IPO5: variants seen among roughly 807,000 people sequenced by gnomAD.
The protein encoded by IPO5 is importin-5.
Under a neutral mutation model 143.3 loss-of-function variants are expected in IPO5, and 18 were observed. That is an observed-to-expected ratio of 0.13 (90% CI 0.09 to 0.19). The LOEUF (loss-of-function observed/expected upper bound fraction) is 0.19, where lower values mean the gene tolerates loss of function less well. Ranked by LOEUF, IPO5 falls within the 10% of genes least tolerant of loss-of-function variation. IPO5 has a pLI of 1.00. For synonymous variants in IPO5, 477 were observed against 465.7 expected (o/e 1.02, Z -0.31); for missense variants, 1,013 against 1,336.9 (o/e 0.76, Z 3.78).
chr13:98,000,481 A>G, intron 12 of IPO5, 58 bp from the exon 13 acceptor site: 2 of 1,043,452 alleles, frequency 1.9e-6, no homozygotes, highest in Non-Finnish European at 3.0e-6. Context: ...TCTGTAGAGT[A>G]TACTATTTCT....
chr13:97,957,438 G>A (rs1884541100), intron 2 of IPO5, among the ~76,000 whole-genome samples: 1 of 151,986 alleles, frequency 6.6e-6, no homozygotes, highest in Admixed American at 6.6e-5. Context: ...CCGACCTCAG[G>A]TGATCCACCT....
intron 11 of IPO5, among the ~76,000 whole-genome samples, chr13:97,995,169 TTC>T (rs1261290663): frequency 6.6e-6 from 1 of 150,690 alleles, no homozygotes; most frequent in East Asian, 1.9e-4. Context: ...CTTTCATTCT[TTC>T]TTTCTTTGTT....
rs528998130 is a variant in IPO5, at chr13:98,000,505, T to A, written c.1002-34T>A. On this transcript the variant is annotated intron_variant, in intron 12 of 28. Coordinates refer to ENST00000651721, the MANE Select transcript of IPO5 (RefSeq NM_002271.6). The stretch of plus-strand genomic sequence containing the variant: ...TATACTATTTCTTTTGTGTTTCAGA[T>A]ATATTGAGTACATAATTCTGTTTAT... 98 of 1,301,110 alleles carry A rather than the reference T, an allele frequency of 7.5e-5. No homozygotes were observed. The South Asian group carries it at 1.1e-3, about 14-fold the overall frequency. 80.6% of individuals were successfully genotyped at this position (1,301,110 alleles called of 1,614,324 possible).
chr13:97,985,535 A>G lies in IPO5; in HGVS notation c.286A>G (p.Ile96Val). 1 of 1,614,078 alleles carries G rather than the reference A, an allele frequency of 6.2e-7. No homozygotes were observed. Among genetic ancestry groups the G allele is most frequent in the Non-Finnish European group, 8.5e-7 (1 of 1,179,954 alleles). The change falls in exon 6 of 29, where the codon ATT (isoleucine) becomes GTT (valine). Residue 96 changes from isoleucine (I) to valine (V), a missense_variant. Coordinates refer to ENST00000651721, the MANE Select transcript of IPO5 (RefSeq NM_002271.6). ...TGCCATCAAGAGTGAGCTACTCATG[A>G]TTATTCAGATGGAAACACAATCTAG... ...QTAIKSELLM[I>V]IQMETQSSMR...
intron 9 of IPO5, among the ~76,000 whole-genome samples, chr13:97,991,200 A>G (rs1250650712): frequency 4.6e-5 from 7 of 152,188 alleles, no homozygotes; most frequent in Non-Finnish European, 8.8e-5. Flanking sequence ...GTAATGTAAT[A>G]TATATGCATA....
chr13:98,009,001 G>C (rs1376536380), intron 18 of IPO5, among the ~76,000 whole-genome samples: 1 of 152,186 alleles, frequency 6.6e-6, no homozygotes, highest in African/African-American at 2.4e-5. Context: ...TGTATGTACA[G>C]AGATAACAGG....
chr13:97,964,633 T>C (rs1355082669), intron 2 of IPO5, among the ~76,000 whole-genome samples: 1 of 151,820 alleles, frequency 6.6e-6, no homozygotes, highest in Non-Finnish European at 1.5e-5. Flanking sequence ...CAAAAAAAAG[T>C]AGAGACGGGG....
At chr13:97,980,260 G>A (rs752041237) in intron 4 of IPO5, among the ~76,000 whole-genome samples, 5 of 152,172 alleles carry the variant, frequency 3.3e-5, no homozygotes, top group Non-Finnish European at 7.3e-5. Flanking sequence ...TGACCATTGT[G>A]ATGGTATTGA....
rs752635318 is a variant in IPO5, at chr13:97,989,071, G to A, written c.374G>A (p.Gly125Asp). Reference protein sequence around the residue: ...ELARNLIDEDGNNQWPEGLKF... With the variant: ...ELARNLIDEDDNNQWPEGLKF... Reference sequence around the variant, plus strand: ...ATTTCTTTACTTTCAGATGAGGATGGCAATAACCAGTGGCCCGAAGGTTTG... The same window carrying A: ...ATTTCTTTACTTTCAGATGAGGATGACAATAACCAGTGGCCCGAAGGTTTG... The change falls in exon 7 of 29, where the codon GGC becomes GAC. Residue 125 changes from glycine to aspartate, a missense_variant. Around this residue, in one of 2 missense-constraint regions of IPO5, gnomAD observed 328 missense variants for 342.0 expected, o/e 0.96. Transcript: ENST00000651721. 4.4e-6 allele frequency: 7 copies of A among 1,606,020 alleles called. No individual in the cohort carries two copies. Among genetic ancestry groups the A allele is most frequent in the Non-Finnish European group, 6.0e-6 (7 of 1,172,904 alleles).
intron 9 of IPO5, 63 bp downstream of exon 9, chr13:97,990,600 C>A (rs1594077903): frequency 3.4e-6 from 3 of 880,726 alleles, no homozygotes; most frequent in South Asian, 3.1e-5. Context: ...TGCATTCAAT[C>A]ATTTATGCAA....
At chr13:97,998,101 G>A (rs867314242) in intron 12 of IPO5, among the ~76,000 whole-genome samples, 4 of 152,144 alleles carry the variant, frequency 2.6e-5, no homozygotes, top group Non-Finnish European at 5.9e-5. Context: ...TCAGCCTCCC[G>A]AGTAGCTGGG....
intron 2 of IPO5, among the ~76,000 whole-genome samples, chr13:97,964,750 C>T (rs916554411): frequency 2.6e-5 from 4 of 151,942 alleles, no homozygotes; most frequent in Non-Finnish European, 5.9e-5. Context: ...CGCCCGGCCT[C>T]CCAGCACCAT....
rs1298135560 is a variant in IPO5 at position 97,990,128 on chromosome 13, A to G, written c.470A>G (p.Asn157Ser). 6.3e-7 allele frequency: 1 copy of G among 1,591,352 alleles called. No individual in the cohort carries two copies. ...LREAALHIFW[N>S]FPGIFGNQQQ... Reference sequence around the variant, plus strand: ...AGAATGTTTGGATTATCTTTTAGGAACTTTCCTGGAATTTTTGGGAACCAG... The same window carrying G: ...AGAATGTTTGGATTATCTTTTAGGAGCTTTCCTGGAATTTTTGGGAACCAG... Residue 157 changes from asparagine to serine, a missense_variant and splice_region_variant, in exon 8 of 29, where the codon AAC (asparagine) becomes AGC (serine). This residue lies in a region of IPO5 where 328 missense variants were observed against 342.0 expected (regional missense o/e 0.96). Transcript: ENST00000651721.
chr13:97,994,243 G>T (rs1000152424), intron 11 of IPO5, among the ~76,000 whole-genome samples: 1 of 152,292 alleles, frequency 6.6e-6, no homozygotes, highest in South Asian at 2.1e-4. Context: ...GGGAGGTGGA[G>T]GTTGCAGTGA....
intron 9 of IPO5, 83 bp downstream of exon 9, chr13:97,990,620 A>T: frequency 1.3e-6 from 1 of 743,208 alleles, no homozygotes; most frequent in Non-Finnish European, 2.2e-6. Flanking sequence ...ATAAATTCAT[A>T]TTGCCTATTA....
chr13:98,007,932 T>A (rs1311772877), intron 17 of IPO5, 127 bp from the exon 18 acceptor site: 4 of 600,036 alleles, frequency 6.7e-6, no homozygotes, highest in African/African-American at 5.6e-5. Flanking sequence ...TTTTTCAATA[T>A]GATAGTTTAT....
At chr13:97,979,385 C>T (rs1054031329) in intron 4 of IPO5, among the ~76,000 whole-genome samples, 1 of 152,056 alleles carries the variant, frequency 6.6e-6, no homozygotes, top group African/African-American at 2.4e-5. Context: ...GTCGTATATG[C>T]CATTTAGTAG....
rs1233508982 is a variant in IPO5, at chr13:98,023,019, G to A, written c.*1197G>A. 2 of 152,548 alleles carry A rather than the reference G, an allele frequency of 1.3e-5. No individual in the cohort carries two copies. The highest frequency in any genetic ancestry group is 6.6e-5 in the Admixed American group (1 of 15,258). The allele number at this position is 152,548 out of a possible 1,614,324, so 9.4% of individuals were successfully genotyped here. ...TATAGTTTGTACTAAATTTAACCGTGATATAAAAATGAATTTTATGCATAG... is the reference window on the plus strand; with the variant it reads ...TATAGTTTGTACTAAATTTAACCGTAATATAAAAATGAATTTTATGCATAG... On this transcript the variant is annotated 3_prime_UTR_variant, in exon 29 of 29. Coordinates refer to ENST00000651721, the MANE Select transcript of IPO5 (RefSeq NM_002271.6).
At chr13:97,967,421 CTT>C (rs1325886181) in intron 2 of IPO5, among the ~76,000 whole-genome samples, 1 of 150,664 alleles carries the variant, frequency 6.6e-6, no homozygotes, top group Non-Finnish European at 1.5e-5. Flanking sequence ...CTTTTTCTTC[CTT>C]TCTCTTTCTT....
Sources: allele counts gnomAD v4.1 joint callset (sites outside exome capture counted in the v4.1 genomes callset), GRCh38; gene constraint gnomAD v4.1.1; regional missense constraint gnomAD v4.1.1; transcripts MANE v1.5; gene names NCBI Gene and HGNC (gene_info 2026-07-23, HGNC 2026-07-21).